DGCR8: variants seen among roughly 807,000 people sequenced by gnomAD.
The protein encoded by DGCR8 is microprocessor complex subunit DGCR8.
Under a neutral mutation model 78.5 loss-of-function variants are expected in DGCR8, and 14 were observed. That is an observed-to-expected ratio of 0.18 (90% confidence interval 0.12 to 0.28). The LOEUF (loss-of-function observed/expected upper bound fraction) is 0.28, where lower values mean the gene tolerates loss of function less well. DGCR8 is among the 10% of genes least tolerant of loss of function. DGCR8 has a pLI of 1.00. For synonymous variants in DGCR8, 399 were observed against 402.4 expected (o/e 0.99, Z 0.10); for missense variants, 702 against 1,022.5 (o/e 0.69, Z 4.28).
Position 20,091,978 on chromosome 22 carries a change from T to C in DGCR8, c.1606+8T>C. On this transcript the variant is annotated splice_region_variant and intron_variant, in intron 7 of 13. Coordinates refer to ENST00000351989, the MANE Select transcript of DGCR8 (RefSeq NM_022720.7). The stretch of plus-strand genomic sequence containing the variant: ...ATAATTTCTTTGAATGTGGTAAGTC[T>C]AACCTTCCCCATTTCAGTCCTAAAG... 5 of 1,606,004 alleles carry C rather than the reference T, an allele frequency of 3.1e-6. No individual in the cohort carries two copies. The highest frequency in any genetic ancestry group is 4.3e-6 in the Non-Finnish European group (5 of 1,173,662).
Position 20,085,871 on chromosome 22 carries a change from G to T in DGCR8, c.-93G>T. 6.7e-7 allele frequency: 1 copy of T among 1,499,730 alleles called. No homozygotes were observed. Among genetic ancestry groups the T allele is most frequent in the Non-Finnish European group, 8.8e-7 (1 of 1,132,110 alleles). 92.9% of individuals were successfully genotyped at this position (1,499,730 alleles called of 1,614,324 possible). A position where few individuals can be genotyped will look rare whatever the true frequency, so the allele number is the denominator to read the frequency against. ...GCGCACAGCGCGGCAGGACGCGCCCGGGTCTCAGCGGACTTGTGCATGTTA... is the reference window on the plus strand; with the variant it reads ...GCGCACAGCGCGGCAGGACGCGCCCTGGTCTCAGCGGACTTGTGCATGTTA... On this transcript the variant is annotated 5_prime_UTR_variant, in exon 2 of 14. Coordinates refer to ENST00000351989, the MANE Select transcript of DGCR8 (RefSeq NM_022720.7). The surrounding 1 kb of genome is among the most constrained non-coding windows in gnomAD (Gnocchi z 6.2).
Position 20,084,736 on chromosome 22 carries a change from C to T in DGCR8, c.-277-951C>T, listed in dbSNP as rs935749398. Among the ~76,000 whole-genome samples, 4 of 152,236 alleles carry T rather than the reference C, an allele frequency of 2.6e-5. No homozygotes were observed. The South Asian group carries it at 6.2e-4, about 24-fold the overall frequency. On this transcript the variant is annotated intron_variant, in intron 1 of 13. Coordinates refer to ENST00000351989, the MANE Select transcript of DGCR8 (RefSeq NM_022720.7). ...CCCTCTTTTCTCTGCTATCCACCTC[C>T]GTTGGGTCAACAAGTGCGGTCAGTT... is the stretch of plus-strand genomic sequence containing the variant.
At chr22:20,101,164 G>A in intron 9 of DGCR8, 1 of 973,812 alleles carries the variant, frequency 1.0e-6, no homozygotes, top group Non-Finnish European at 1.2e-6. Context: ...AGGGTTTTAA[G>A]AACTCTGTTC....
Position 20,087,076 on chromosome 22 carries a change from G to A in DGCR8, c.721-86G>A. ...CCCCCTGAGAGCACCTCCTTTCTGT[G>A]TCTGTTCTCAGGAATGCTGTTGAGC... On this transcript the variant is annotated intron_variant, in intron 2 of 13. Coordinates refer to ENST00000351989, the MANE Select transcript of DGCR8 (RefSeq NM_022720.7). The surrounding 1 kb of genome is among the most constrained non-coding windows in gnomAD (Gnocchi z 4.1). The A allele has an allele frequency of 2.0e-6, 3 of 1,507,122 alleles. No homozygotes were observed. In the East Asian group the frequency reaches 6.8e-5, roughly 34 times the overall value. 93.4% of individuals were successfully genotyped at this position (1,507,122 alleles called of 1,614,324 possible).
intron 11 of DGCR8, 36 bp downstream of exon 11, chr22:20,106,734 G>C (rs1327029309): frequency 2.0e-6 from 3 of 1,502,354 alleles, no homozygotes; most frequent in Non-Finnish European, 2.8e-6. Context: ...GTGGCCGCTG[G>C]GCGGGCGGCC....
chr22:20,101,171 G>C, intron 9 of DGCR8: 2 of 982,250 alleles, frequency 2.0e-6, no homozygotes, highest in Non-Finnish European at 2.4e-6. Context: ...TAAGAACTCT[G>C]TTCTGGGAAC....
At chr22:20,093,635 A>G (rs2049592901) in intron 8 of DGCR8, among the ~76,000 whole-genome samples, 2 of 152,188 alleles carry the variant, frequency 1.3e-5, no homozygotes, top group South Asian at 4.1e-4. Flanking sequence ...GCTGGCTCTT[A>G]CCGGCACTAT....
intron 1 of DGCR8, chr22:20,084,914 G>A: frequency 6.4e-6 from 6 of 939,482 alleles, no homozygotes; most frequent in Non-Finnish European, 7.6e-6. Flanking sequence ...TGGCATGAGA[G>A]TCGCTTCACC....
Position 20,110,256 on chromosome 22 carries a change from T to C in DGCR8, c.*148T>C. 1.4e-6 allele frequency: 1 copy of C among 733,772 alleles called. No individual in the cohort carries two copies. Among genetic ancestry groups the C allele is most frequent in the Non-Finnish European group, 2.2e-6 (1 of 448,638 alleles). 45.5% of individuals were successfully genotyped at this position (733,772 alleles called of 1,614,324 possible). On this transcript the variant is annotated 3_prime_UTR_variant, in exon 14 of 14. Coordinates refer to ENST00000351989, the MANE Select transcript of DGCR8 (RefSeq NM_022720.7). The stretch of plus-strand genomic sequence containing the variant: ...TGGGCCCGGCCTTAGGGTGGAGGCT[T>C]TAGTGTACAGGGACAGCCATGGCCA...
At position 20,110,098 on chromosome 22, in the gene DGCR8, T is replaced by C. The variant is rs780750047; in HGVS notation, c.2312T>C (p.Val771Ala). ...CCTGGCGGTGAGCCCCTGTGCACCG[T>C]GGACGTGTGAGGGAGGTGGCACGGG... ...AQPGGEPLCT[V>A]DV The change falls in exon 14 of 14, where the codon GTG (valine) becomes GCG (alanine). Residue 771 changes from valine to alanine, a missense_variant. Coordinates refer to ENST00000351989, the MANE Select transcript of DGCR8 (RefSeq NM_022720.7). 6.2e-7 allele frequency: 1 copy of C among 1,610,394 alleles called. No homozygotes were observed. The highest frequency in any genetic ancestry group is 2.2e-5 in the East Asian group (1 of 44,882).
At chr22:20,096,755 G>A (rs964923208) in intron 9 of DGCR8, among the ~76,000 whole-genome samples, 1 of 152,104 alleles carries the variant, frequency 6.6e-6, no homozygotes, top group South Asian at 2.1e-4. Flanking sequence ...TCATATTAGC[G>A]GAATCATACA....
chr22:20,081,170 G>T (rs1207702390), intron 1 of DGCR8, among the ~76,000 whole-genome samples: 1 of 152,256 alleles, frequency 6.6e-6, no homozygotes, highest in African/African-American at 2.4e-5. Context: ...GTTGGAGGAT[G>T]ACAAAAGGAA....
chr22:20,083,467 C>T (rs1295642379), intron 1 of DGCR8, among the ~76,000 whole-genome samples: 1 of 151,890 alleles, frequency 6.6e-6, no homozygotes, highest in Non-Finnish European at 1.5e-5. Context: ...AGGTTTCCTG[C>T]TTTCCTAAGG....
At position 20,111,709 on chromosome 22, in the gene DGCR8, C is replaced by T. The variant is rs888946059; in HGVS notation, c.*1601C>T. The T allele has an allele frequency of 9.1e-5, 2 of 21,988 alleles. No homozygotes were observed. Among genetic ancestry groups the T allele is most frequent in the African/African-American group, 2.0e-4 (1 of 4,916 alleles). The allele number at this position is 21,988 out of a possible 1,614,324, so 1.4% of individuals were successfully genotyped here. A position where few individuals can be genotyped will look rare whatever the true frequency, so the allele number is the denominator to read the frequency against. On this transcript the variant is annotated 3_prime_UTR_variant, in exon 14 of 14. Coordinates refer to ENST00000351989, the MANE Select transcript of DGCR8 (RefSeq NM_022720.7). ...CATACTCTTGTGGTCTCTGTGCGCC[C>T]CCCCCCCCCCCCCACCCGTCTGCCA... is the stretch of plus-strand genomic sequence containing the variant.
chr22:20,093,288 T>C (rs9606242), intron 8 of DGCR8, among the ~76,000 whole-genome samples: 41,169 of 151,642 alleles, frequency 0.27, 5,691 homozygotes, highest in South Asian at 0.29. Context: ...ACCTGTAGTC[T>C]CAGCTACTCG....
intron 9 of DGCR8, chr22:20,101,909 T>C (rs936380855): frequency 7.1e-6 from 7 of 985,196 alleles, no homozygotes; most frequent in Non-Finnish European, 8.4e-6. Flanking sequence ...GGTTGATGCC[T>C]GTGAGGTGTG....
In DGCR8 at chr22:20,107,257, C is replaced by CT; in HGVS notation, c.1997-11dup. 8.7e-6 allele frequency: 14 copies of CT among 1,614,112 alleles called. No individual in the cohort carries two copies. Among genetic ancestry groups the CT allele is most frequent in the Non-Finnish European group, 1.2e-5 (14 of 1,179,996 alleles). Reference sequence around the variant, plus strand: ...TTGTGACCCCCTCTCCATGCTTGCTCTTTCTCTGTGTAGGTAAGAACAAGA... The same window carrying CT: ...TTGTGACCCCCTCTCCATGCTTGCTCTTTTCTCTGTGTAGGTAAGAACAAGA... On this transcript the variant is annotated splice_polypyrimidine_tract_variant and intron_variant, in intron 11 of 13. Coordinates refer to ENST00000351989, the MANE Select transcript of DGCR8 (RefSeq NM_022720.7).
chr22:20,101,756 TC>T, intron 9 of DGCR8: 1 of 985,298 alleles, frequency 1.0e-6, no homozygotes, highest in South Asian at 4.7e-5. Context: ...TCAGGTTGTG[TC>T]CCCGCCCCCT....
chr22:20,106,174 T>C lies in DGCR8; in HGVS notation c.1789-3T>C. Reference sequence around the variant, plus strand: ...ACTCACAAGCCTCTGCTTTGTGTTGTAGTATTTTAACCACATCAGCATCGA... The same window carrying C: ...ACTCACAAGCCTCTGCTTTGTGTTGCAGTATTTTAACCACATCAGCATCGA... On this transcript the variant is annotated splice_polypyrimidine_tract_variant and splice_region_variant and intron_variant, in intron 9 of 13. Transcript: ENST00000351989. 3.1e-6 allele frequency: 5 copies of C among 1,613,776 alleles called. No homozygotes were observed. Among genetic ancestry groups the C allele is most frequent in the Non-Finnish European group, 4.2e-6 (5 of 1,179,852 alleles).
Sources: allele counts gnomAD v4.1 joint callset (sites outside exome capture counted in the v4.1 genomes callset), GRCh38; gene constraint gnomAD v4.1.1; non-coding constraint Gnocchi (gnomAD v3.1); transcripts MANE v1.5; gene names NCBI Gene and HGNC (gene_info 2026-07-23, HGNC 2026-07-21).